Variants in GRID2 observed in about 807,000 individuals in gnomAD.
GRID2 encodes the protein glutamate ionotropic receptor delta type subunit 2.
GRID2 carries 33 observed loss-of-function variants against 114.8 expected under a neutral mutation model. The ratio of observed to expected loss-of-function variants is 0.29; its 90% CI spans 0.22 to 0.38. The LOEUF is 0.38. Among genes scored for constraint, GRID2 ranks in the 10% least tolerant of loss-of-function variants. The pLI is 1.00. For missense variants in GRID2, 1,184 were observed against 1,257.7 expected (o/e 0.94, Z 0.89); for synonymous variants, 505 against 449.9 (o/e 1.12, Z -1.55).
intron 2 of GRID2, among the ~76,000 whole-genome samples, chr4:92,657,201 T>C (rs1040004627): frequency 6.6e-6 from 1 of 150,808 alleles, no homozygotes; most frequent in Non-Finnish European, 1.5e-5. Flanking sequence ...AGGGCATCAC[T>C]TACTACTTTT....
At chr4:93,594,869 C>G (rs1393340202) in intron 13 of GRID2, among the ~76,000 whole-genome samples, 1 of 152,214 alleles carries the variant, frequency 6.6e-6, no homozygotes, top group Non-Finnish European at 1.5e-5. Context: ...CTCCCTGACC[C>G]CTTGCGCTTC....
rs185603519 is a variant in GRID2, at chr4:92,498,144, G to T, written c.89-91987G>T. On this transcript the variant is annotated intron_variant, in intron 1 of 15. Coordinates refer to ENST00000282020, the MANE Select transcript of GRID2 (RefSeq NM_001510.4). ...GGTTATAGGTAAAAAATGGAGAGAG[G>T]AGGAGGAAGTCATCCCACCTTTGCA... 2.0e-5 allele frequency among the ~76,000 whole-genome samples: 3 copies of T among 151,884 alleles called. No individual in the cohort carries two copies. In the East Asian group the frequency reaches 5.8e-4, roughly 29 times the overall value.
rs982158097 is a variant in GRID2, at chr4:93,508,407, G to A, written c.1998-6809G>A. Among the ~76,000 whole-genome samples the A allele has an allele frequency of 2.7e-4, 41 of 151,998 alleles. 1 individual carries two copies. Among genetic ancestry groups the A allele is most frequent in the Admixed American group, 7.9e-4 (12 of 15,268 alleles). ...AGACAGGGTTTCACCATGTTGGCCA[G>A]GATACTCTCCATCTCCTTACCTCAT... On this transcript the variant is annotated intron_variant, in intron 12 of 15. Coordinates refer to ENST00000282020, the MANE Select transcript of GRID2 (RefSeq NM_001510.4).
At chr4:92,321,821 A>G (rs1318954868) in intron 1 of GRID2, among the ~76,000 whole-genome samples, 1 of 152,154 alleles carries the variant, frequency 6.6e-6, no homozygotes, top group Non-Finnish European at 1.5e-5. Context: ...TAAGCGTTGT[A>G]TTTGATGTCA....
chr4:93,175,483 A>G (rs1344636188), intron 4 of GRID2, among the ~76,000 whole-genome samples: 1 of 151,956 alleles, frequency 6.6e-6, no homozygotes, highest in East Asian at 1.9e-4. Flanking sequence ...ATGCTTAATA[A>G]TGATAAACAT....
chr4:92,843,247 AAAAAT>A (rs1017907350), intron 2 of GRID2, among the ~76,000 whole-genome samples: 25 of 152,178 alleles, frequency 1.6e-4, no homozygotes, highest in East Asian at 5.8e-4. Context: ...GTCTCCGAAA[AAAAAT>A]AAAATAATAA....
At chr4:92,745,862 TATAAA>T (rs1328504731) in intron 2 of GRID2, among the ~76,000 whole-genome samples, 2 of 152,082 alleles carry the variant, frequency 1.3e-5, no homozygotes, top group African/African-American at 4.8e-5. Flanking sequence ...AAATAAGTGA[TATAAA>T]AGAAAAAGAA....
At chr4:92,783,142 C>T (rs1203172586) in intron 2 of GRID2, among the ~76,000 whole-genome samples, 3 of 151,954 alleles carry the variant, frequency 2.0e-5, no homozygotes, top group African/African-American at 4.8e-5. Flanking sequence ...AAATTATATT[C>T]ATAGCTAATT....
rs1459164915 is a variant in GRID2 at position 93,612,611 on chromosome 4, C to A, written c.2194-13658C>A. 5.1e-5 allele frequency among the ~76,000 whole-genome samples: 5 copies of A among 98,152 alleles called. No homozygotes were observed. The South Asian group carries it at 1.7e-3, about 33-fold the overall frequency. 64.4% of individuals were successfully genotyped at this position (98,152 alleles called of 152,430 possible). ...GATATGAAATTCTGGGTTGAAAATT[C>A]TTTTCTTTAAGAATGTTGAATATTG... On this transcript the variant is annotated intron_variant, in intron 13 of 15. Transcript: ENST00000282020.
chr4:92,445,604 C>A (rs939234235), intron 1 of GRID2, among the ~76,000 whole-genome samples: 2 of 151,996 alleles, frequency 1.3e-5, no homozygotes. Context: ...AAGGTGCTAC[C>A]CTTGAATCCA....
intron 2 of GRID2, among the ~76,000 whole-genome samples, chr4:93,061,582 T>G (rs1057263539): frequency 2.6e-5 from 4 of 152,098 alleles, no homozygotes; most frequent in Admixed American, 2.0e-4. Flanking sequence ...GGGAACTGCT[T>G]GTACCATAAA....
At chr4:93,246,592 AAAAAAAAG>A (rs1388379884) in intron 8 of GRID2, among the ~76,000 whole-genome samples, 2 of 151,676 alleles carry the variant, frequency 1.3e-5, no homozygotes, top group African/African-American at 2.4e-5. Flanking sequence ...TTCTCAAAAA[AAAAAAAAG>A]AAAAAAAGAA....
At chr4:93,156,220 C>T (rs1248545819) in intron 4 of GRID2, among the ~76,000 whole-genome samples, 1 of 151,664 alleles carries the variant, frequency 6.6e-6, no homozygotes, top group African/African-American at 2.4e-5. Flanking sequence ...ATAAATAAAA[C>T]ACATTTTATA....
chr4:93,335,927 T>C (rs1435276297), intron 8 of GRID2, among the ~76,000 whole-genome samples: 1 of 152,204 alleles, frequency 6.6e-6, no homozygotes, highest in African/African-American at 2.4e-5. Flanking sequence ...GCTCAAGCGA[T>C]CTGCTCACAT....
chr4:93,746,055 C>T (rs1731815278), intron 14 of GRID2, among the ~76,000 whole-genome samples: 1 of 152,008 alleles, frequency 6.6e-6, no homozygotes, highest in African/African-American at 2.4e-5. Context: ...ATTTTTGTGT[C>T]AAAGGACCAA....
intron 2 of GRID2, among the ~76,000 whole-genome samples, chr4:92,652,273 C>T (rs984747032): frequency 6.6e-6 from 1 of 152,128 alleles, no homozygotes; most frequent in African/African-American, 2.4e-5. Context: ...TTAATCTATC[C>T]AGAAACTCCC....
chr4:93,565,491 CAGG>C (rs1735321655), intron 13 of GRID2, among the ~76,000 whole-genome samples: 1 of 152,002 alleles, frequency 6.6e-6, no homozygotes, highest in Non-Finnish European at 1.5e-5. Context: ...AATTTTCAGG[CAGG>C]AGAATATAAT....
rs1389777927 is a variant in GRID2 at position 93,773,592 on chromosome 4, T to A, written c.*1094T>A. 1 of 152,076 alleles carries A rather than the reference T, an allele frequency of 6.6e-6. No homozygotes were observed. Among genetic ancestry groups the A allele is most frequent in the Non-Finnish European group, 1.5e-5 (1 of 67,980 alleles). 9.4% of individuals were successfully genotyped at this position (152,076 alleles called of 1,614,324 possible). A position where few individuals can be genotyped will look rare whatever the true frequency, so the allele number is the denominator to read the frequency against. ...GAAAAATGCTATTAGCTGAACCACA[T>A]CCACAACAGCACATAGAGCTCTAGA... On this transcript the variant is annotated 3_prime_UTR_variant, in exon 16 of 16. Transcript: ENST00000282020.
chr4:93,419,415 T>C (rs1323273259), intron 9 of GRID2, among the ~76,000 whole-genome samples: 1 of 152,020 alleles, frequency 6.6e-6, no homozygotes, highest in East Asian at 1.9e-4. Flanking sequence ...AAGTATCTTT[T>C]CTATTATAGT....
Sources: gnomAD v4.1 joint callset for allele counts (sites outside exome capture counted in the v4.1 genomes callset) on GRCh38, gnomAD v4.1.1 for gene constraint, MANE v1.5 for transcripts, NCBI Gene and HGNC (gene_info 2026-07-23, HGNC 2026-07-21) for gene names.